The following UBL3 variants were observed in gnomAD, a reference collection of about 807,000 sequenced individuals.
UBL3 encodes the protein ubiquitin-like protein 3.
A neutral mutation model predicts 18.4 loss-of-function variants in UBL3; 6 were observed. The observed-to-expected ratio is 0.33, with a 90% CI of 0.18 to 0.64. UBL3 has a LOEUF of 0.64. Ranked by LOEUF, UBL3 falls within the 30% of genes least tolerant of loss-of-function variation. UBL3 has a pLI of 0.76. For synonymous variants in UBL3, 49 were observed against 46.6 expected (o/e 1.05, Z -0.21); for missense variants, 109 against 142.9 (o/e 0.76, Z 1.21).
chr13:29,776,261 C>CT (rs5741722), intron 2 of UBL3, among the ~76,000 whole-genome samples: 30 of 91,690 alleles, frequency 3.3e-4, no homozygotes, highest in Admixed American at 8.4e-4. Context: ...TCTTTTCTTT[C>CT]TTTTTTTTTT....
chr13:29,767,922 C>T (rs117251773), intron 3 of UBL3, among the ~76,000 whole-genome samples: 3,246 of 151,922 alleles, frequency 0.021, 66 homozygotes, highest in Non-Finnish European at 0.029. Flanking sequence ...ACACATTTAT[C>T]CATATTAAGA....
At chr13:29,772,567 A>T (rs1241602910) in intron 2 of UBL3, among the ~76,000 whole-genome samples, 2 of 152,104 alleles carry the variant, frequency 1.3e-5, no homozygotes, top group South Asian at 2.1e-4. Context: ...ATAATGCTCC[A>T]ATATTTGTAC....
At chr13:29,825,997 T>C (rs1438762867) in intron 1 of UBL3, among the ~76,000 whole-genome samples, 1 of 152,188 alleles carries the variant, frequency 6.6e-6, no homozygotes, top group East Asian at 1.9e-4. Flanking sequence ...CTGGATTATG[T>C]TTATTGATTT....
At chr13:29,825,732 G>T (rs1173998640) in intron 1 of UBL3, among the ~76,000 whole-genome samples, 1 of 152,190 alleles carries the variant, frequency 6.6e-6, no homozygotes, top group African/African-American at 2.4e-5. Flanking sequence ...CCAACACTAT[G>T]TTGAATAGAA....
intron 3 of UBL3, among the ~76,000 whole-genome samples, chr13:29,771,355 C>A (rs939833409): frequency 6.6e-6 from 1 of 151,992 alleles, no homozygotes; most frequent in Non-Finnish European, 1.5e-5. Flanking sequence ...AGAAAATATA[C>A]CCCATAAGGG....
At chr13:29,832,436 C>T (rs907006380) in intron 1 of UBL3, among the ~76,000 whole-genome samples, 6 of 152,024 alleles carry the variant, frequency 3.9e-5, no homozygotes, top group African/African-American at 1.4e-4. Context: ...GGGTTCACGC[C>T]ATTCTCCTGC....
intron 1 of UBL3, among the ~76,000 whole-genome samples, chr13:29,792,517 TG>T (rs1333400859): frequency 6.6e-6 from 1 of 152,254 alleles, no homozygotes; most frequent in Non-Finnish European, 1.5e-5. Flanking sequence ...ACAGTCTGTC[TG>T]TCTATGAAGA....
chr13:29,824,926 G>A (rs140262035), intron 1 of UBL3, among the ~76,000 whole-genome samples: 1,606 of 152,226 alleles, frequency 0.011, 29 homozygotes, highest in African/African-American at 0.037. Flanking sequence ...TCTACATATG[G>A]CTAGCCAGTC....
At chr13:29,831,663 T>C (rs1878776395) in intron 1 of UBL3, among the ~76,000 whole-genome samples, 1 of 139,678 alleles carries the variant, frequency 7.2e-6, no homozygotes, top group Admixed American at 7.1e-5. Context: ...TTGACTAAAA[T>C]CAGAAAAGTT....
At chr13:29,812,347 T>C (rs1244587472) in intron 1 of UBL3, among the ~76,000 whole-genome samples, 1 of 152,062 alleles carries the variant, frequency 6.6e-6, no homozygotes, top group Non-Finnish European at 1.5e-5. Context: ...CTCATGGTTA[T>C]ATCACTTTAA....
chr13:29,823,241 C>T (rs1264520973), intron 1 of UBL3, among the ~76,000 whole-genome samples: 1 of 152,144 alleles, frequency 6.6e-6, no homozygotes, highest in Non-Finnish European at 1.5e-5. Context: ...CTCCCGGGTT[C>T]AAGCGATTCT....
At chr13:29,817,689 T>C (rs545457148) in intron 1 of UBL3, among the ~76,000 whole-genome samples, 1 of 152,276 alleles carries the variant, frequency 6.6e-6, no homozygotes, top group East Asian at 1.9e-4. Context: ...AAAATCCAAT[T>C]TGTTAAGTGA....
chr13:29,805,065 G>A (rs1207057490), intron 1 of UBL3, among the ~76,000 whole-genome samples: 3 of 151,984 alleles, frequency 2.0e-5, no homozygotes, highest in Non-Finnish European at 2.9e-5. Flanking sequence ...TATCAAAATA[G>A]CCATCTGATT....
At position 29,850,142 on chromosome 13, in the gene UBL3, GC is replaced by G. The variant is rs1466249881; in HGVS notation, c.-605del. On this transcript the variant is annotated 5_prime_UTR_variant, in exon 1 of 5. It removes the in-frame stop codon of an upstream open reading frame in the 5' UTR. Transcript: ENST00000380680. ...TCAACTCGCGCCGCGGGGGCGAAGA[GC>G]CGGGCCGCGGAAACCCGCGCTCAAG... is the stretch of plus-strand genomic sequence containing the variant. The G allele has an allele frequency of 2.0e-5, 3 of 152,378 alleles. No homozygotes were observed. The highest frequency in any genetic ancestry group is 7.2e-5 in the African/African-American group (3 of 41,458). 9.4% of individuals were successfully genotyped at this position (152,378 alleles called of 1,614,324 possible).
intron 1 of UBL3, among the ~76,000 whole-genome samples, chr13:29,793,612 A>G (rs1472224098): frequency 3.3e-5 from 5 of 152,312 alleles, no homozygotes; most frequent in Admixed American, 6.5e-5. Context: ...TTTTTAATCA[A>G]TGATATAGCC....
chr13:29,786,934 C>T (rs4769775), intron 1 of UBL3, among the ~76,000 whole-genome samples: 93,430 of 152,026 alleles, frequency 0.61, 28,941 homozygotes, highest in Non-Finnish European at 0.66. Context: ...AAAACTTTTA[C>T]AACATATCAT....
chr13:29,780,367 A>AAAAAAAAAAAATATAT (rs1359464345), intron 1 of UBL3, among the ~76,000 whole-genome samples: 12 of 103,296 alleles, frequency 1.2e-4, no homozygotes, highest in East Asian at 3.8e-4. Context: ...AAAAAAAAAA[A>AAAAAAAAAAAATATAT]ATATATATAT....
chr13:29,824,107 C>G (rs991950819), intron 1 of UBL3, among the ~76,000 whole-genome samples: 19 of 152,202 alleles, frequency 1.2e-4, no homozygotes, highest in Non-Finnish European at 4.4e-5. Context: ...CAGACTATCA[C>G]TGATGGACAT....
intron 1 of UBL3, among the ~76,000 whole-genome samples, chr13:29,798,181 T>A (rs1877666178): frequency 6.6e-6 from 1 of 151,950 alleles, no homozygotes; most frequent in African/African-American, 2.4e-5. Context: ...CCCATCCCCA[T>A]GCTCAGCTAA....
Sources: allele counts gnomAD v4.1 joint callset (sites outside exome capture counted in the v4.1 genomes callset), GRCh38; gene constraint gnomAD v4.1.1; transcripts MANE v1.5; gene names NCBI Gene and HGNC (gene_info 2026-07-23, HGNC 2026-07-21).